The following POU2F1 variants were observed in gnomAD, a reference collection of about 807,000 sequenced individuals.
POU2F1 encodes the protein POU class 2 homeobox 1.
POU2F1 carries 16 observed loss-of-function variants against 84.9 expected under a neutral mutation model. The ratio of observed to expected loss-of-function variants is 0.19; its 90% CI spans 0.13 to 0.29. The LOEUF (loss-of-function observed/expected upper bound fraction) is 0.29. POU2F1 is among the 10% of genes least tolerant of loss of function. POU2F1 has a pLI of 1.00. For missense variants in POU2F1, 738 were observed against 942.6 expected, an observed-to-expected ratio of 0.78 and a Z score of 2.84; for synonymous variants, 368 against 368.3, an observed-to-expected ratio of 1.00 and a Z score of 0.01.
At chr1:167,332,152 C>T (rs1657118175) in intron 1 of POU2F1, among the ~76,000 whole-genome samples, 2 of 152,026 alleles carry the variant, frequency 1.3e-5, no homozygotes, top group Non-Finnish European at 2.9e-5. Context: ...ATGTTAAAAG[C>T]ATTTATTCCT....
intron 2 of POU2F1, among the ~76,000 whole-genome samples, chr1:167,348,739 C>G (rs1451401350): frequency 1.3e-5 from 2 of 152,018 alleles, no homozygotes; most frequent in Non-Finnish European, 2.9e-5. Flanking sequence ...GACTTGTCAC[C>G]TTGGTTGTTT....
chr1:167,377,134 C>T (rs954750365), intron 7 of POU2F1, among the ~76,000 whole-genome samples: 13 of 152,116 alleles, frequency 8.5e-5, no homozygotes, highest in Non-Finnish European at 8.8e-5. Context: ...ATAAGTAGTG[C>T]CTTACAACTG....
At chr1:167,344,957 CAG>C (rs1425697759) in intron 2 of POU2F1, among the ~76,000 whole-genome samples, 1 of 152,106 alleles carries the variant, frequency 6.6e-6, no homozygotes, top group East Asian at 1.9e-4. Flanking sequence ...CAAACTAACA[CAG>C]AAACAGAAAA....
intron 1 of POU2F1, among the ~76,000 whole-genome samples, chr1:167,243,042 T>A (rs1195397238): frequency 1.3e-5 from 2 of 152,114 alleles, no homozygotes; most frequent in African/African-American, 4.8e-5. Flanking sequence ...AAGTGTCTAC[T>A]AATTGAGACA....
intron 7 of POU2F1, chr1:167,380,788 T>A (rs1211474235): frequency 1.3e-5 from 2 of 152,216 alleles, no homozygotes; most frequent in Non-Finnish European, 2.9e-5. Context: ...ACTTTTGAGA[T>A]GTAGTTCATA....
chr1:167,241,594 G>A (rs894571893), intron 1 of POU2F1: 2 of 152,144 alleles, frequency 1.3e-5, no homozygotes, highest in African/African-American at 4.8e-5. Context: ...ATGGTTCTGG[G>A]CAATATAAAA....
chr1:167,348,168 G>A (rs1019849457), intron 2 of POU2F1, among the ~76,000 whole-genome samples: 5 of 152,186 alleles, frequency 3.3e-5, no homozygotes, highest in African/African-American at 7.2e-5. Flanking sequence ...ATATGATATA[G>A]CCTGTTTCTC....
chr1:167,412,497 G>A (rs1450200457), intron 14 of POU2F1, among the ~76,000 whole-genome samples, 193 bp downstream of exon 14: 1 of 152,140 alleles, frequency 6.6e-6, no homozygotes, highest in African/African-American at 2.4e-5. Flanking sequence ...TAACACCCTG[G>A]GAAGGGCAGT....
At chr1:167,303,491 A>T (rs1182627206) in intron 1 of POU2F1, 2 of 154,374 alleles carry the variant, frequency 1.3e-5, no homozygotes, top group Non-Finnish European at 2.9e-5. Flanking sequence ...AAGTAAGAAG[A>T]GCTTTCCTGC....
chr1:167,282,395 C>T (rs796759701), intron 1 of POU2F1, among the ~76,000 whole-genome samples: 8 of 152,294 alleles, frequency 5.3e-5, no homozygotes, highest in Admixed American at 2.0e-4. Flanking sequence ...CCGCCCGCCT[C>T]GGCCTCCCGA....
At chr1:167,263,370 ATTAGCCGGGCGTGGTAGCATATGCCTG>A (rs1289838843) in intron 1 of POU2F1, among the ~76,000 whole-genome samples, 1 of 152,056 alleles carries the variant, frequency 6.6e-6, no homozygotes, top group Admixed American at 6.5e-5. Flanking sequence ...AAATGCAAAA[ATTAGCCGGGCGTGGTAGCATATGCCTG>A]TAATCCCAGC....
rs1197814755 is a variant in POU2F1 at position 167,358,716 on chromosome 1, C to CTT, written c.128-6731_128-6730dup. Among the ~76,000 whole-genome samples the CTT allele has an allele frequency of 1.0e-3, 39 of 38,348 alleles. 1 individual carries two copies. Among genetic ancestry groups the CTT allele is most frequent in the Middle Eastern group, 0.01 (1 of 96 alleles). The allele number at this position is 38,348 out of a possible 152,430, so 25.2% of individuals were successfully genotyped here. A position where few individuals can be genotyped will look rare whatever the true frequency, so the allele number is the denominator to read the frequency against. On this transcript the variant is annotated intron_variant, in intron 2 of 15. Coordinates refer to ENST00000367866, the MANE Select transcript of POU2F1 (RefSeq NM_002697.4). ...TTCTTAATCTTTTTATTATCTGCAG[C>CTT]TTTTTTTTTTTTTTTTTTTTTGAGA...
intron 13 of POU2F1, among the ~76,000 whole-genome samples, chr1:167,410,677 G>A (rs1249350795): frequency 6.6e-6 from 1 of 151,674 alleles, no homozygotes; most frequent in African/African-American, 2.4e-5. Flanking sequence ...CACCATGCCT[G>A]GCTAATTTTT....
At chr1:167,341,136 T>C (rs75199643) in intron 2 of POU2F1, among the ~76,000 whole-genome samples, 1,942 of 152,320 alleles carry the variant, frequency 0.013, 40 homozygotes, top group African/African-American at 0.045. Flanking sequence ...AGATCTTTTA[T>C]CTTTTAGTCA....
chr1:167,365,227 T>C (rs973333662), intron 2 of POU2F1, among the ~76,000 whole-genome samples: 5 of 152,188 alleles, frequency 3.3e-5, no homozygotes, highest in South Asian at 2.1e-4. Context: ...TTGTAATTTA[T>C]TATTTATATT....
chr1:167,256,312 A>G (rs575404569), intron 1 of POU2F1, among the ~76,000 whole-genome samples: 1 of 152,024 alleles, frequency 6.6e-6, no homozygotes, highest in Admixed American at 6.5e-5. Context: ...CCTGAGTGTC[A>G]GAAATGAACT....
chr1:167,260,386 A>G (rs1175882416), intron 1 of POU2F1, among the ~76,000 whole-genome samples: 5 of 152,052 alleles, frequency 3.3e-5, no homozygotes, highest in Non-Finnish European at 7.4e-5. Flanking sequence ...ATACTATTGT[A>G]TTTATCAGCC....
intron 1 of POU2F1, among the ~76,000 whole-genome samples, chr1:167,314,637 T>C (rs1655748933): frequency 6.6e-6 from 1 of 151,814 alleles, no homozygotes; most frequent in South Asian, 2.1e-4. Context: ...AGCCGGGCAT[T>C]GTGGTGTGCA....
intron 7 of POU2F1, chr1:167,380,715 AT>A (rs1339003112): frequency 6.6e-6 from 1 of 152,236 alleles, no homozygotes; most frequent in African/African-American, 2.4e-5. Flanking sequence ...CCAGCATGAG[AT>A]TAGCCTTCAA....
Sources: gnomAD v4.1 joint callset for allele counts (sites outside exome capture counted in the v4.1 genomes callset) on GRCh38, gnomAD v4.1.1 for gene constraint, MANE v1.5 for transcripts, NCBI Gene and HGNC (gene_info 2026-07-23, HGNC 2026-07-21) for gene names.